Variants in PHF19 observed in about 807,000 individuals in gnomAD.
PHF19 encodes the protein PHD finger protein 19.
A neutral mutation model predicts 79.8 loss-of-function variants in PHF19; 21 were observed. The ratio of observed to expected loss-of-function variants is 0.26; its 90% CI spans 0.19 to 0.38. The LOEUF is 0.38. Among genes scored for constraint, PHF19 ranks in the 10% least tolerant of loss-of-function variants. PHF19 has a pLI of 1.00. For synonymous variants in PHF19, 273 were observed against 296.3 expected, an observed-to-expected ratio of 0.92 and a Z score of 0.81; for missense variants, 445 against 744.2, an observed-to-expected ratio of 0.60 and a Z score of 4.68.
intron 9 of PHF19, among the ~76,000 whole-genome samples, chr9:120,865,371 C>G (rs1466799902): frequency 6.6e-6 from 1 of 152,158 alleles, no homozygotes; most frequent in Non-Finnish European, 1.5e-5. Context: ...CCTTGGTGAC[C>G]CACTATTTAG....
At chr9:120,861,428 C>T (rs1043454696) in intron 12 of PHF19, among the ~76,000 whole-genome samples, 1 of 152,214 alleles carries the variant, frequency 6.6e-6, no homozygotes, top group African/African-American at 2.4e-5. Context: ...GGGACAATAA[C>T]CCCTGCCTTG....
upstream of PHF19, chr9:120,877,259 G>GGGAGGCGGC (rs1378633820): frequency 5.5e-6 from 5 of 906,528 alleles, no homozygotes; most frequent in Admixed American, 1.3e-4. Flanking sequence ...GGGGAGGAGG[G>GGGAGGCGGC]GGAGGCGGCG....
At chr9:120,859,027 G>A (rs1446125430) in intron 14 of PHF19, among the ~76,000 whole-genome samples, 1 of 152,126 alleles carries the variant, frequency 6.6e-6, no homozygotes, top group African/African-American at 2.4e-5. Context: ...GCTGAGGCAT[G>A]AGAATCACTT....
At chr9:120,888,135 G>A (rs966834881) in intron 1 of PHF19, among the ~76,000 whole-genome samples, 4 of 152,206 alleles carry the variant, frequency 2.6e-5, no homozygotes, top group African/African-American at 7.2e-5. Flanking sequence ...ACCACTCCTG[G>A]ATAATTTTTG....
rs112858270 is a variant in PHF19, at chr9:120,869,772, G to C, written c.465+73C>G. ...CCCTTCTGCTTGGAGCTCAGACTCT[G>C]TGATGGGAGTCTCTGGTCTGCCCCA... On this transcript the variant is annotated intron_variant, in intron 5 of 14. Coordinates refer to ENST00000373896, the MANE Select transcript of PHF19 (RefSeq NM_015651.3). This position sits in a 1 kb window ranked among gnomAD's most constrained non-coding sequence, Gnocchi z 5.8. The C allele has an allele frequency of 1.2e-6, 2 of 1,605,306 alleles. No homozygotes were observed. Among genetic ancestry groups the C allele is most frequent in the Non-Finnish European group, 1.7e-6 (2 of 1,176,378 alleles).
chr9:120,896,578 T>C (rs970400928), upstream of PHF19, among the ~76,000 whole-genome samples: 2 of 151,456 alleles, frequency 1.3e-5, no homozygotes, highest in Non-Finnish European at 2.9e-5. Flanking sequence ...CAGCCTCCCG[T>C]GTAGCTGGGA....
intron 6 of PHF19, among the ~76,000 whole-genome samples, chr9:120,867,544 A>T (rs1481952350): frequency 6.6e-6 from 1 of 152,250 alleles, no homozygotes; most frequent in East Asian, 1.9e-4. Context: ...GTTAAAACGC[A>T]GATTCCTTGG....
At chr9:120,879,982 G>A (rs770664670), upstream of PHF19, among the ~76,000 whole-genome samples, 2 of 151,994 alleles carry the variant, frequency 1.3e-5, no homozygotes, top group Non-Finnish European at 2.9e-5. Flanking sequence ...AGATGGGCAC[G>A]GAGTCGAGTC....
chr9:120,903,092 C>T, the PHF19 span: 1 of 152,200 alleles, frequency 6.6e-6, no homozygotes, highest in Admixed American at 6.5e-5. Context: ...GTTTCAGGGC[C>T]TAGACCCATC....
intron 1 of PHF19, among the ~76,000 whole-genome samples, chr9:120,888,356 G>C (rs2046297231): frequency 2.0e-5 from 3 of 152,192 alleles, no homozygotes; most frequent in African/African-American, 7.2e-5. Context: ...GAACAAGCTT[G>C]GTGGCAGCTC....
intron 14 of PHF19, 96 bp from the exon 15 acceptor site, chr9:120,858,382 G>A (rs1353317684): frequency 1.0e-6 from 1 of 958,656 alleles, no homozygotes; most frequent in Non-Finnish European, 1.5e-6. Flanking sequence ...CCAGGAAAGT[G>A]GAAGAGAAAA....
upstream of PHF19, among the ~76,000 whole-genome samples, chr9:120,881,915 T>C (rs1337342759): frequency 6.6e-6 from 1 of 152,208 alleles, no homozygotes; most frequent in Non-Finnish European, 1.5e-5. Flanking sequence ...GTGCACGCTA[T>C]CACGCCTGGC....
chr9:120,897,241 C>G (rs1273681040), upstream of PHF19, among the ~76,000 whole-genome samples: 1 of 152,254 alleles, frequency 6.6e-6, no homozygotes, highest in African/African-American at 2.4e-5. Flanking sequence ...GCCCAGCAAG[C>G]TCCCCAGCCA....
chr9:120,884,408 A>G (rs1267809615), intron 1 of PHF19, among the ~76,000 whole-genome samples: 1 of 89,560 alleles, frequency 1.1e-5, no homozygotes, highest in Non-Finnish European at 2.2e-5. Flanking sequence ...TGTAGGAGAA[A>G]GAGGAAATGT....
At chr9:120,896,437 CT>C (rs58824573), upstream of PHF19, among the ~76,000 whole-genome samples, 8,706 of 123,930 alleles carry the variant, frequency 0.07, 794 homozygotes, top group African/African-American at 0.23. Flanking sequence ...TTGTATGGTT[CT>C]TTTTTTTTTT....
At chr9:120,896,451 CTTTTTTTTT>C (rs71370604), upstream of PHF19, among the ~76,000 whole-genome samples, 5 of 82,712 alleles carry the variant, frequency 6.0e-5, no homozygotes, top group South Asian at 5.7e-4. Context: ...TTTTTTTTTT[CTTTTTTTTT>C]TTTTTTTTTG....
chr9:120,859,231 CTTTTT>C (rs59695692), intron 14 of PHF19, among the ~76,000 whole-genome samples: 1 of 104,994 alleles, frequency 9.5e-6, no homozygotes, highest in Non-Finnish European at 1.9e-5. Flanking sequence ...TACCATTGTC[CTTTTT>C]TTTTTTTTTT....
chr9:120,872,312 G>T (rs1195261647), intron 3 of PHF19, among the ~76,000 whole-genome samples: 2 of 152,180 alleles, frequency 1.3e-5, no homozygotes, highest in African/African-American at 4.8e-5. Flanking sequence ...ATGCTAGAGG[G>T]TCACCATTCT....
upstream of PHF19, among the ~76,000 whole-genome samples, chr9:120,896,552 C>T (rs541572106): frequency 9.5e-4 from 142 of 150,254 alleles, no homozygotes; most frequent in African/African-American, 3.4e-3. Context: ...CCCGGGTTCA[C>T]GCCATTCTCC....
Sources: allele counts gnomAD v4.1 joint callset (sites outside exome capture counted in the v4.1 genomes callset), GRCh38; gene constraint gnomAD v4.1.1; non-coding constraint Gnocchi (gnomAD v3.1); transcripts MANE v1.5; gene names NCBI Gene and HGNC (gene_info 2026-07-23, HGNC 2026-07-21).